The following SH3KBP1 variants were observed in gnomAD, a reference collection of about 807,000 sequenced individuals.
SH3KBP1 encodes SH3 domain containing kinase binding protein 1, also known as SH3 domain-containing kinase-binding protein 1.
In SH3KBP1, 8 loss-of-function variants were observed where a neutral mutation model predicts 50.1. The observed-to-expected ratio is 0.16, with a 90% CI of 0.09 to 0.29. The LOEUF (loss-of-function observed/expected upper bound fraction) is 0.29. Among genes scored for constraint, SH3KBP1 ranks in the 10% least tolerant of loss-of-function variants. SH3KBP1 has a pLI of 1.00. For synonymous variants in SH3KBP1, 227 were observed against 218.6 expected (o/e 1.04, Z -0.34); for missense variants, 377 against 535.2 (o/e 0.70, Z 2.92).
intron 17 of SH3KBP1, among the ~76,000 whole-genome samples, chrX:19,537,259 C>T (rs2064739191): frequency 9.0e-6 from 1 of 110,769 alleles, no homozygotes; most frequent in Non-Finnish European, 1.9e-5. Context: ...GAGATCGAGA[C>T]CATCCTGGCT....
chrX:19,738,800 CAGG>C (rs1377716230), intron 3 of SH3KBP1, among the ~76,000 whole-genome samples: 1 of 107,049 alleles, frequency 9.3e-6, no homozygotes, highest in Non-Finnish European at 1.9e-5. Context: ...GACTTGAGGT[CAGG>C]AGTTCAAGAC....
At chrX:19,757,410 AG>A (rs1421952839) in intron 2 of SH3KBP1, among the ~76,000 whole-genome samples, 1 of 110,580 alleles carries the variant, frequency 9.0e-6, no homozygotes, top group African/African-American at 3.3e-5. Flanking sequence ...GTAAATTGAT[AG>A]CTTATCTTTA....
chrX:19,645,077 C>G (rs2061960014), intron 7 of SH3KBP1, among the ~76,000 whole-genome samples: 1 of 112,026 alleles, frequency 8.9e-6, no homozygotes, highest in Non-Finnish European at 1.9e-5. Flanking sequence ...ATTTGCCACT[C>G]TCTAAAATCT....
chrX:19,654,752 T>A (rs2051933003), intron 6 of SH3KBP1, among the ~76,000 whole-genome samples: 1 of 112,104 alleles, frequency 8.9e-6, no homozygotes, highest in South Asian at 3.7e-4. Flanking sequence ...TTAGATATAT[T>A]TTGAAAGTTT....
At chrX:19,576,062 G>T (rs2066187745) in intron 12 of SH3KBP1, among the ~76,000 whole-genome samples, 1 of 112,564 alleles carries the variant, frequency 8.9e-6, no homozygotes, top group South Asian at 3.7e-4. Flanking sequence ...CATAAGAGAA[G>T]TCAGGAGATA....
chrX:19,886,957 C>A lies in SH3KBP1; in HGVS notation c.4+350G>T, dbSNP rs761620960. Among the ~76,000 whole-genome samples, 219 of 110,290 alleles carry A rather than the reference C, an allele frequency of 2.0e-3. 2 individuals carry two copies. The highest frequency in any genetic ancestry group is 3.3e-3 in the Non-Finnish European group (175 of 52,547). Reference sequence around the variant, plus strand: ...GGTCCGGGTGCCCGTGTCCGCAGCGCAGAGGAGGGCGCGCTCGGGTGCAAA... The same window carrying A: ...GGTCCGGGTGCCCGTGTCCGCAGCGAAGAGGAGGGCGCGCTCGGGTGCAAA... On this transcript the variant is annotated intron_variant, in intron 1 of 17. Coordinates refer to ENST00000397821, the MANE Select transcript of SH3KBP1 (RefSeq NM_031892.3).
intron 12 of SH3KBP1, among the ~76,000 whole-genome samples, chrX:19,582,688 C>G (rs2066415114): frequency 1.8e-5 from 2 of 111,476 alleles, no homozygotes; most frequent in South Asian, 7.5e-4. Flanking sequence ...GACCTTCTCC[C>G]CACATCTCTA....
At chrX:19,828,320 C>T (rs1329635713) in intron 2 of SH3KBP1, among the ~76,000 whole-genome samples, 1 of 109,615 alleles carries the variant, frequency 9.1e-6, no homozygotes, top group African/African-American at 3.3e-5. Flanking sequence ...TGTTATTCTG[C>T]TAGTTCCCTC....
intron 3 of SH3KBP1, among the ~76,000 whole-genome samples, chrX:19,728,976 G>C (rs1474481327): frequency 8.9e-6 from 1 of 112,469 alleles, no homozygotes; most frequent in Non-Finnish European, 1.9e-5. Flanking sequence ...ATTGATAATG[G>C]CTGATAGAGC....
intron 2 of SH3KBP1, among the ~76,000 whole-genome samples, chrX:19,774,857 T>G (rs191197871): frequency 9.0e-6 from 1 of 110,705 alleles, no homozygotes; most frequent in African/African-American, 3.3e-5. Flanking sequence ...CCAAAAAGGT[T>G]TAACTAGACA....
At chrX:19,550,218 C>T (rs1054301866) in intron 13 of SH3KBP1, 135 bp from the exon 14 acceptor site, 1 of 468,179 alleles carries the variant, frequency 2.1e-6, no homozygotes, top group Non-Finnish European at 3.7e-6. Flanking sequence ...AGGCTGTTTA[C>T]GTCCTTTGGT....
At chrX:19,561,241 T>C (rs768103028) in intron 13 of SH3KBP1, among the ~76,000 whole-genome samples, 1 of 110,453 alleles carries the variant, frequency 9.1e-6, no homozygotes, top group South Asian at 3.9e-4. Context: ...AGTATGCTTT[T>C]TACTACCCTA....
rs180797103 is a variant in SH3KBP1, at chrX:19,753,854, T to C, written c.163-7413A>G. Among the ~76,000 whole-genome samples, 213 of 112,250 alleles carry C rather than the reference T, an allele frequency of 1.9e-3. 1 individual carries two copies. Among genetic ancestry groups the C allele is most frequent in the African/African-American group, 6.5e-3 (202 of 30,904 alleles). ...TAATAAAGCAAGGGTGATGGGCACATAGGTATTTGTTATATGCTTTACATA... is the reference window on the plus strand; with the variant it reads ...TAATAAAGCAAGGGTGATGGGCACACAGGTATTTGTTATATGCTTTACATA... On this transcript the variant is annotated intron_variant, in intron 2 of 17. Transcript: ENST00000397821.
At chrX:19,779,218 G>A (rs1277222720) in intron 2 of SH3KBP1, among the ~76,000 whole-genome samples, 2 of 105,953 alleles carry the variant, frequency 1.9e-5, no homozygotes, top group Admixed American at 2.0e-4. Context: ...AGGATTGCTT[G>A]ACCCCAGGAG....
intron 3 of SH3KBP1, among the ~76,000 whole-genome samples, chrX:19,741,430 T>C (rs2064765527): frequency 8.9e-6 from 1 of 112,613 alleles, no homozygotes; most frequent in Admixed American, 9.4e-5. Context: ...AAGCAGTTTA[T>C]CTTTGGGAAG....
intron 2 of SH3KBP1, among the ~76,000 whole-genome samples, chrX:19,801,474 C>A (rs1166595622): frequency 8.9e-6 from 1 of 112,238 alleles, no homozygotes; most frequent in African/African-American, 3.2e-5. Context: ...TAAGCAGTAA[C>A]TAACCGGGTA....
chrX:19,594,176 T>C (rs2066828795), intron 10 of SH3KBP1, among the ~76,000 whole-genome samples: 1 of 112,398 alleles, frequency 8.9e-6, no homozygotes, highest in South Asian at 3.6e-4. Context: ...TCTTCTATTT[T>C]AGTTGTTAAT....
At chrX:19,668,408 G>A (rs2148517946) in intron 6 of SH3KBP1, among the ~76,000 whole-genome samples, 1 of 108,186 alleles carries the variant, frequency 9.2e-6, no homozygotes, top group Non-Finnish European at 1.9e-5. Context: ...TCAGGAGGCT[G>A]AGGCAGGAGA....
At chrX:19,765,851 T>C (rs2065588274) in intron 2 of SH3KBP1, among the ~76,000 whole-genome samples, 1 of 112,138 alleles carries the variant, frequency 8.9e-6, no homozygotes, top group Non-Finnish European at 1.9e-5. Flanking sequence ...TAGCATAATG[T>C]ATCAAGGTTC....
Sources: allele counts gnomAD v4.1 joint callset (sites outside exome capture counted in the v4.1 genomes callset), GRCh38; gene constraint gnomAD v4.1.1; transcripts MANE v1.5; gene names NCBI Gene and HGNC (gene_info 2026-07-23, HGNC 2026-07-21).